LYPLAL1: variants seen among roughly 807,000 people sequenced by gnomAD.
LYPLAL1 encodes the protein lysophospholipase-like protein 1.
Under a neutral mutation model 19.7 loss-of-function variants are expected in LYPLAL1, and 23 were observed. The observed-to-expected ratio is 1.17, with a 90% CI of 0.84 to 1.65. The LOEUF (loss-of-function observed/expected upper bound fraction) is 1.65, where lower values mean the gene tolerates loss of function less well. Among genes scored for constraint, LYPLAL1 ranks in the 40% most tolerant of loss-of-function variants. The pLI, the probability that LYPLAL1 is intolerant of heterozygous loss-of-function variation, is 0.00. For synonymous variants in LYPLAL1, 119 were observed against 96.3 expected (o/e 1.24, Z -1.38); for missense variants, 355 against 279.4 (o/e 1.27, Z -1.93).
At chr1:219,302,138 C>G in the LYPLAL1 span, among the ~76,000 whole-genome samples, 1 of 152,150 alleles carries the variant, frequency 6.6e-6, no homozygotes, top group Non-Finnish European at 1.5e-5. Context: ...TCCTATTATT[C>G]TACAATTCTT....
At chr1:219,281,172 G>GGATGA in the LYPLAL1 span, among the ~76,000 whole-genome samples, 1 of 152,196 alleles carries the variant, frequency 6.6e-6, no homozygotes, top group African/African-American at 2.4e-5. Context: ...GGGCTTGGCA[G>GGATGA]TTTGATTCAT....
the LYPLAL1 span, among the ~76,000 whole-genome samples, chr1:219,333,087 C>T: frequency 1.3e-5 from 2 of 152,032 alleles, no homozygotes; most frequent in South Asian, 4.1e-4. Flanking sequence ...TCAAGTTGAT[C>T]CTTTCTCTAC....
chr1:219,426,393 A>C, the LYPLAL1 span, among the ~76,000 whole-genome samples: 148 of 152,272 alleles, frequency 9.7e-4, no homozygotes, highest in African/African-American at 3.5e-3. Context: ...GAGAAGTTTC[A>C]TAGGAAAAAA....
At chr1:219,243,118 A>G in the LYPLAL1 span, among the ~76,000 whole-genome samples, 28 of 152,314 alleles carry the variant, frequency 1.8e-4, no homozygotes, top group African/African-American at 6.7e-4. Context: ...AGGTCACTCT[A>G]CATTTATGAA....
the LYPLAL1 span, among the ~76,000 whole-genome samples, chr1:219,315,083 C>A: frequency 6.6e-6 from 1 of 151,836 alleles, no homozygotes; most frequent in African/African-American, 2.4e-5. Context: ...GGTAACATAA[C>A]CAGATCTTAG....
chr1:219,284,432 G>C, the LYPLAL1 span, among the ~76,000 whole-genome samples: 1 of 152,212 alleles, frequency 6.6e-6, no homozygotes, highest in East Asian at 1.9e-4. Flanking sequence ...TACCCCATTT[G>C]TCCTGATGTG....
At chr1:219,392,366 C>T in the LYPLAL1 span, among the ~76,000 whole-genome samples, 2 of 151,820 alleles carry the variant, frequency 1.3e-5, no homozygotes, top group South Asian at 2.1e-4. Context: ...TCCAGCCTTC[C>T]ATCCTCCTCA....
At chr1:219,389,027 ATAT>A in the LYPLAL1 span, among the ~76,000 whole-genome samples, 2 of 152,180 alleles carry the variant, frequency 1.3e-5, no homozygotes, top group Non-Finnish European at 2.9e-5. Flanking sequence ...CACATTTAAA[ATAT>A]TATTTTCACT....
chr1:219,386,995 C>T, the LYPLAL1 span, among the ~76,000 whole-genome samples: 9 of 152,150 alleles, frequency 5.9e-5, no homozygotes, highest in African/African-American at 2.2e-4. Context: ...ACAATGCAGA[C>T]CTGATCATAC....
At chr1:219,354,034 T>C in the LYPLAL1 span, among the ~76,000 whole-genome samples, 1 of 152,270 alleles carries the variant, frequency 6.6e-6, no homozygotes, top group East Asian at 1.9e-4. Flanking sequence ...TCAAGGAACT[T>C]GTAAACATGG....
chr1:219,283,276 A>G, the LYPLAL1 span, among the ~76,000 whole-genome samples: 3 of 152,202 alleles, frequency 2.0e-5, no homozygotes, highest in East Asian at 5.8e-4. Flanking sequence ...TGATTATAAT[A>G]TAGTAAAAAG....
chr1:219,299,476 G>A, the LYPLAL1 span, among the ~76,000 whole-genome samples: 1 of 152,210 alleles, frequency 6.6e-6, no homozygotes. Context: ...GAGGAAGTGA[G>A]AGCATGAATA....
At chr1:219,260,873 T>G in the LYPLAL1 span, among the ~76,000 whole-genome samples, 1 of 151,724 alleles carries the variant, frequency 6.6e-6, no homozygotes, top group Non-Finnish European at 1.5e-5. Flanking sequence ...TAGGCCAAAT[T>G]TTTTATCCTA....
chr1:219,277,796 T>A, the LYPLAL1 span, among the ~76,000 whole-genome samples: 1 of 152,244 alleles, frequency 6.6e-6, no homozygotes, highest in Non-Finnish European at 1.5e-5. Flanking sequence ...ATTGTGATTT[T>A]TTTTTTAAAT....
chr1:219,347,471 C>T, the LYPLAL1 span, among the ~76,000 whole-genome samples: 1 of 152,120 alleles, frequency 6.6e-6, no homozygotes, highest in Admixed American at 6.5e-5. Context: ...TTCTTGATGC[C>T]TCCACAATCA....
intron 3 of LYPLAL1, among the ~76,000 whole-genome samples, chr1:219,209,634 G>A (rs1658839389): frequency 6.6e-6 from 1 of 151,980 alleles, no homozygotes; most frequent in Admixed American, 6.6e-5. Context: ...TGAGTGTGTG[G>A]CTACATGATT....
the LYPLAL1 span, among the ~76,000 whole-genome samples, chr1:219,233,728 C>T: frequency 2.7e-5 from 4 of 150,892 alleles, no homozygotes. Flanking sequence ...TTGTGATCTG[C>T]ACCACTGCAC....
the LYPLAL1 span, among the ~76,000 whole-genome samples, chr1:219,309,386 G>C: frequency 1.3e-5 from 2 of 152,160 alleles, no homozygotes; most frequent in African/African-American, 4.8e-5. Flanking sequence ...AATGAGTTAA[G>C]ACTTTGGGGG....
chr1:219,221,854 A>G, the LYPLAL1 span, among the ~76,000 whole-genome samples: 2 of 152,192 alleles, frequency 1.3e-5, no homozygotes, highest in African/African-American at 2.4e-5. Context: ...TAAAACATCA[A>G]CACCACTTAT....
Sources: gnomAD v4.1 joint callset for allele counts (sites outside exome capture counted in the v4.1 genomes callset) on GRCh38, gnomAD v4.1.1 for gene constraint, MANE v1.5 for transcripts, NCBI Gene and HGNC (gene_info 2026-07-23, HGNC 2026-07-21) for gene names.